The following EXOC4 variants were observed in gnomAD, a reference collection of about 807,000 sequenced individuals.
EXOC4 encodes the protein SEC8-like 1.
In EXOC4, 71 loss-of-function variants were observed where a neutral mutation model predicts 107.2. That is an observed-to-expected ratio of 0.66 (90% CI 0.55 to 0.81). The LOEUF (loss-of-function observed/expected upper bound fraction) is 0.81, where lower values mean the gene tolerates loss of function less well. Ranked by LOEUF, EXOC4 falls within the 30% of genes least tolerant of loss-of-function variation. The pLI is 0.00. For synonymous variants in EXOC4, 456 were observed against 441.2 expected (o/e 1.03, Z -0.42); for missense variants, 1,108 against 1,189.6 (o/e 0.93, Z 1.01).
chr7:134,026,012 A>G (rs757083185), intron 17 of EXOC4, among the ~76,000 whole-genome samples: 7 of 152,296 alleles, frequency 4.6e-5, no homozygotes, highest in Non-Finnish European at 8.8e-5. Context: ...AGTGCCTCAT[A>G]CAGTAGACAT....
chr7:133,416,223 T>C (rs1466882085), intron 7 of EXOC4, among the ~76,000 whole-genome samples: 1 of 151,840 alleles, frequency 6.6e-6, no homozygotes, highest in East Asian at 1.9e-4. Flanking sequence ...AGGAGAGAAA[T>C]AGGGCTTGAA....
intron 1 of EXOC4, among the ~76,000 whole-genome samples, chr7:133,255,614 T>C (rs1055798778): frequency 2.0e-5 from 3 of 152,226 alleles, no homozygotes; most frequent in African/African-American, 7.2e-5. Context: ...TGCATTGTTA[T>C]ATATGACCTT....
At chr7:134,016,583 C>A (rs779065420) in intron 17 of EXOC4, among the ~76,000 whole-genome samples, 12 of 152,200 alleles carry the variant, frequency 7.9e-5, no homozygotes, top group Non-Finnish European at 1.8e-4. Flanking sequence ...CAGATACTTT[C>A]CTCAAGTGAC....
At chr7:133,339,295 T>A (rs1475986257) in intron 5 of EXOC4, among the ~76,000 whole-genome samples, 1 of 152,162 alleles carries the variant, frequency 6.6e-6, no homozygotes, top group Non-Finnish European at 1.5e-5. Flanking sequence ...TTTTGTTTGC[T>A]TTGTCAAAGA....
intron 17 of EXOC4, among the ~76,000 whole-genome samples, chr7:134,032,335 A>G (rs1001019036): frequency 6.6e-6 from 1 of 152,116 alleles, no homozygotes; most frequent in African/African-American, 2.4e-5. Context: ...TGCTTCTCTC[A>G]TGTCTGAACA....
intron 10 of EXOC4, among the ~76,000 whole-genome samples, chr7:133,746,912 G>A (rs1325775270): frequency 1.3e-5 from 2 of 152,110 alleles, no homozygotes; most frequent in South Asian, 2.1e-4. Flanking sequence ...CTCACTGAAG[G>A]ACTTTAGAGA....
At chr7:133,317,200 A>G in intron 4 of EXOC4, 84 bp from the exon 5 acceptor site, 8 of 892,680 alleles carry the variant, frequency 9.0e-6, no homozygotes, top group South Asian at 1.5e-5. Flanking sequence ...TGACAAAAAC[A>G]AAAGTGGTAA....
At chr7:133,980,680 G>A (rs1029266387) in intron 14 of EXOC4, among the ~76,000 whole-genome samples, 4 of 152,218 alleles carry the variant, frequency 2.6e-5, no homozygotes, top group African/African-American at 7.2e-5. Context: ...CTGAAATTGT[G>A]TAGTCAACTG....
At chr7:133,989,858 C>T (rs1053878930) in intron 14 of EXOC4, among the ~76,000 whole-genome samples, 5 of 151,904 alleles carry the variant, frequency 3.3e-5, no homozygotes, top group African/African-American at 4.8e-5. Context: ...GAGAACAGCG[C>T]GAATTTGGAA....
intron 9 of EXOC4, among the ~76,000 whole-genome samples, chr7:133,498,589 A>AG (rs143282246): frequency 6.6e-6 from 1 of 152,004 alleles, no homozygotes; most frequent in African/African-American, 2.4e-5. Flanking sequence ...CGTCTCAAAA[A>AG]CAAACAAACA....
intron 5 of EXOC4, among the ~76,000 whole-genome samples, chr7:133,341,627 G>C (rs1795663021): frequency 6.6e-6 from 1 of 152,102 alleles, no homozygotes; most frequent in Admixed American, 6.5e-5. Flanking sequence ...GCTGTCAGTG[G>C]AGTATTGAAG....
At chr7:134,032,110 A>G (rs1795284637) in intron 17 of EXOC4, among the ~76,000 whole-genome samples, 1 of 152,208 alleles carries the variant, frequency 6.6e-6, no homozygotes, top group African/African-American at 2.4e-5. Flanking sequence ...AAGGCTTTTT[A>G]TAAGTTCCTT....
chr7:133,910,141 C>G (rs971271750), intron 12 of EXOC4, among the ~76,000 whole-genome samples: 21 of 152,232 alleles, frequency 1.4e-4, no homozygotes, highest in Admixed American at 1.0e-3. Flanking sequence ...AGGCTGGTCT[C>G]AAACTCCTGA....
chr7:133,461,024 T>G (rs1190620154), intron 7 of EXOC4, among the ~76,000 whole-genome samples: 1 of 152,026 alleles, frequency 6.6e-6, no homozygotes, highest in Admixed American at 6.6e-5. Flanking sequence ...AAAGATAACT[T>G]TAGATAGATT....
intron 9 of EXOC4, among the ~76,000 whole-genome samples, chr7:133,535,364 G>A (rs757040811): frequency 6.6e-6 from 1 of 152,098 alleles, no homozygotes; most frequent in Non-Finnish European, 1.5e-5. Context: ...CAGCTGCCTT[G>A]TTTATGTGGC....
intron 17 of EXOC4, among the ~76,000 whole-genome samples, chr7:134,015,538 A>G (rs1334053590): frequency 3.3e-5 from 5 of 152,206 alleles, no homozygotes; most frequent in Non-Finnish European, 7.3e-5. Flanking sequence ...TTTGAGGAAG[A>G]TAAAACTGGA....
chr7:133,793,145 GC>G (rs1796740121), intron 10 of EXOC4, among the ~76,000 whole-genome samples: 1 of 152,178 alleles, frequency 6.6e-6, no homozygotes, highest in Non-Finnish European at 1.5e-5. Flanking sequence ...TAAAAATGAA[GC>G]CTCAGAATCT....
At chr7:133,503,777 C>A (rs1003994733) in intron 9 of EXOC4, among the ~76,000 whole-genome samples, 4 of 151,982 alleles carry the variant, frequency 2.6e-5, no homozygotes, top group Non-Finnish European at 5.9e-5. Flanking sequence ...GGAGCCTAAG[C>A]GTATGAATTA....
At chr7:133,662,531 G>A (rs1793716014) in intron 10 of EXOC4, among the ~76,000 whole-genome samples, 1 of 151,994 alleles carries the variant, frequency 6.6e-6, no homozygotes, top group Non-Finnish European at 1.5e-5. Flanking sequence ...CTTTGGATTA[G>A]TTTATTCCAT....
Sources: gnomAD v4.1 joint callset for allele counts (sites outside exome capture counted in the v4.1 genomes callset) on GRCh38, gnomAD v4.1.1 for gene constraint, MANE v1.5 for transcripts, NCBI Gene and HGNC (gene_info 2026-07-23, HGNC 2026-07-21) for gene names.